EVPL: variants seen among roughly 807,000 people sequenced by gnomAD.
EVPL encodes 210 kDa cornified envelope precursor protein.
Under a neutral mutation model 129.7 loss-of-function variants are expected in EVPL, and 94 were observed. The ratio of observed to expected loss-of-function variants is 0.72; its 90% CI spans 0.61 to 0.86. The LOEUF (loss-of-function observed/expected upper bound fraction) is 0.86. Ranked by LOEUF, EVPL falls within the 40% of genes least tolerant of loss-of-function variation. The pLI, the probability that EVPL is intolerant of heterozygous loss-of-function variation, is 0.00. For synonymous variants in EVPL, 1,172 were observed against 1,191.1 expected (o/e 0.98, Z 0.33); for missense variants, 2,625 against 2,721.1 (o/e 0.96, Z 0.79).
At position 76,015,304 on chromosome 17, in the gene EVPL, AG is replaced by A; in HGVS notation, c.1950del (p.Phe651SerfsTer46). ...QIQDADRVIR[G>X]FEATLVQEAP... ...GCCTCCTGCACCAGGGTGGCCTCGA[AG>A]CCTCGGATGACCCTGTCCGCATCCT... On this transcript the variant is annotated frameshift_variant, in exon 16 of 22. Coordinates refer to ENST00000301607, the MANE Select transcript of EVPL (RefSeq NM_001988.4). LOFTEE classifies it high-confidence loss of function. 1 of 1,602,972 alleles carries A rather than the reference AG, an allele frequency of 6.2e-7. No homozygotes were observed. Among genetic ancestry groups the A allele is most frequent in the Non-Finnish European group, 8.5e-7 (1 of 1,178,886 alleles).
At chr17:76,011,531 T>TTATTCC in intron 21 of EVPL, 45 bp downstream of exon 21, 1 of 1,541,330 alleles carries the variant, frequency 6.5e-7, no homozygotes, top group Non-Finnish European at 9.0e-7. Context: ...GCATTCCTGG[T>TTATTCC]TATTCCTGGC....
chr17:76,024,144 G>A lies in EVPL; in HGVS notation c.99-24C>T. The A allele has an allele frequency of 9.3e-6, 15 of 1,607,738 alleles. No homozygotes were observed. The highest frequency in any genetic ancestry group is 1.3e-5 in the Non-Finnish European group (15 of 1,176,780). ...CCCTAGTGTGTGGAGGGGACAGCGG[G>A]TAGCTCGGTGGAAGAGGCCCCTCTG... On this transcript the variant is annotated intron_variant, in intron 1 of 21. Coordinates refer to ENST00000301607, the MANE Select transcript of EVPL (RefSeq NM_001988.4). This position sits in a 1 kb window ranked among gnomAD's most constrained non-coding sequence, Gnocchi z 4.5.
rs142386982 is a variant in EVPL, at chr17:76,023,254, C to CCT, written c.480+36_480+37dup. The CCT allele has an allele frequency of 1.5e-3, 2,419 of 1,612,256 alleles. 2 individuals are homozygous for CCT. Among genetic ancestry groups the CCT allele is most frequent in the Non-Finnish European group, 1.9e-3 (2,246 of 1,179,062 alleles). The stretch of plus-strand genomic sequence containing the variant: ...TGGATTAAATGCAGTTCCGTATCGC[C>CCT]CTCTGATCACACTGGGGTGTGACTT... On this transcript the variant is annotated intron_variant, in intron 4 of 21. Transcript: ENST00000301607.
chr17:76,008,507 C>T lies in EVPL; in HGVS notation c.4698G>A (p.Arg1566=). The stretch of plus-strand genomic sequence containing the variant: ...ACCAGGTTCTCCCCAGCGTCTCGGC[C>T]CGGTCAATGCGCTCCCGCAGGCGCC... ...EARRLRERID[R]AETLGRTWSR... Residue 1566 remains arginine, a synonymous_variant, in exon 22 of 22, where the codon CGG becomes CGA. Coordinates refer to ENST00000301607, the MANE Select transcript of EVPL (RefSeq NM_001988.4). This position sits in a 1 kb window ranked among gnomAD's most constrained non-coding sequence, Gnocchi z 7.4. The T allele has an allele frequency of 2.5e-6, 4 of 1,604,414 alleles. No individual in the cohort carries two copies. Among genetic ancestry groups the T allele is most frequent in the Non-Finnish European group, 3.4e-6 (4 of 1,178,934 alleles).
chr17:76,009,714 G>A lies in EVPL; in HGVS notation c.3491C>T (p.Thr1164Ile), dbSNP rs746438412. The change falls in exon 22 of 22, where the codon ACC (threonine) becomes ATC (isoleucine). Residue 1164 changes from threonine (T) to isoleucine (I), a missense_variant. Physicochemically the swap from Thr to Ile is moderately conservative, Grantham distance 89. This residue lies in a region of EVPL where 1,453 missense variants were observed against 1,511.8 expected (regional missense o/e 0.96). Transcript: ENST00000301607. The surrounding 1 kb of genome is among the most constrained non-coding windows in gnomAD (Gnocchi z 5.9). ...CTCCCTGGCCAGCGTCGCGTTCTTG[G>A]TCCTCTCCTCCTCGAGGAGGCTCCT... ...RLRSLLEEER[T>I]KNATLARELS... is the part of the protein sequence containing the mutation. 3.7e-6 allele frequency: 6 copies of A among 1,613,538 alleles called. No individual in the cohort carries two copies. The Admixed American group carries it at 5.0e-5, about 13-fold the overall frequency.
In EVPL at chr17:76,022,250, C is replaced by T; in HGVS notation, c.607-23G>A. 5.6e-6 allele frequency: 9 copies of T among 1,613,010 alleles called. No individual in the cohort carries two copies. Among genetic ancestry groups the T allele is most frequent in the Non-Finnish European group, 7.6e-6 (9 of 1,179,774 alleles). On this transcript the variant is annotated intron_variant, in intron 5 of 21. Transcript: ENST00000301607. The surrounding 1 kb of genome is among the most constrained non-coding windows in gnomAD (Gnocchi z 5.6). Reference sequence around the variant, plus strand: ...ATCCTGCCTCGACCAAGGGGAGAAACAAGCCCGTGAGAGGTGGGGTGCAGG... The same window carrying T: ...ATCCTGCCTCGACCAAGGGGAGAAATAAGCCCGTGAGAGGTGGGGTGCAGG...
In EVPL at chr17:76,021,521, T is replaced by A. The variant is rs1380774089; in HGVS notation, c.958A>T (p.Asn320Tyr). 1.9e-6 allele frequency: 3 copies of A among 1,610,056 alleles called. No individual in the cohort carries two copies. In the African/African-American group the frequency reaches 4.0e-5, roughly 22 times the overall value. Reference protein sequence around the residue: ...ALKMEWQNFLNLCICQETQLQ... With the variant: ...ALKMEWQNFLYLCICQETQLQ... The stretch of plus-strand genomic sequence containing the variant: ...TGGGTCTCCTGGCAGATACACAGGT[T>A]CAGGAAGTTCTGCCACTCCATCTTC... Residue 320 changes from asparagine (N) to tyrosine (Y), a missense_variant, in exon 9 of 22, where the codon AAC (asparagine) becomes TAC (tyrosine). Around this residue, in one of 4 missense-constraint regions of EVPL, gnomAD observed 1,024 missense variants for 997.5 expected, o/e 1.03. Transcript: ENST00000301607.
chr17:76,011,602 CCAGCTGCTGGAG>C lies in EVPL; in HGVS notation c.2623_2634del (p.Leu875_Leu878del). 2 of 1,614,108 alleles carry C rather than the reference CCAGCTGCTGGAG, an allele frequency of 1.2e-6. No individual in the cohort carries two copies. Among genetic ancestry groups the C allele is most frequent in the South Asian group, 1.1e-5 (1 of 91,084 alleles). On this transcript the variant is annotated inframe_deletion, in exon 21 of 22. Coordinates refer to ENST00000301607, the MANE Select transcript of EVPL (RefSeq NM_001988.4). ...TTCTCCAGCATTTTTCTAGCAAACTCCAGCTGCTGGAGCAGCTGCTGCTGTGCTGCTGCAACC... is the reference window on the plus strand; with the variant it reads ...TTCTCCAGCATTTTTCTAGCAAACTCCAGCTGCTGCTGTGCTGCTGCAACC...
At chr17:76,025,088 A>T (rs1422323374) in intron 1 of EVPL, among the ~76,000 whole-genome samples, 3 of 152,200 alleles carry the variant, frequency 2.0e-5, no homozygotes, top group Admixed American at 2.0e-4. Context: ...ATCTTTCTCC[A>T]TCAGAAAGAT....
Position 76,008,243 on chromosome 17 carries a change from C to T in EVPL, c.4962G>A (p.Glu1654=). Residue 1654 remains glutamate (E), a synonymous_variant, in exon 22 of 22, where the codon GAG becomes GAA. Transcript: ENST00000301607. This position sits in a 1 kb window ranked among gnomAD's most constrained non-coding sequence, Gnocchi z 7.4. ...GGAGGTCCCGGAGCGTCCGCTCCTT[C>T]TCGTAGATCTGGTCCTTCTCGCGGA... ...AILREKDQIY[E]KERTLRDLHA... The T allele has an allele frequency of 6.2e-7, 1 of 1,613,776 alleles. No individual in the cohort carries two copies. The highest frequency in any genetic ancestry group is 8.5e-7 in the Non-Finnish European group (1 of 1,180,014).
At chr17:76,018,058 G>A (rs2144423404) in intron 13 of EVPL, 103 bp downstream of exon 13, 1 of 1,529,556 alleles carries the variant, frequency 6.5e-7, no homozygotes, top group Non-Finnish European at 8.8e-7. Context: ...CCAGAGTGAT[G>A]GTCCCTAACC....
chr17:76,012,000 G>A lies in EVPL; in HGVS notation c.2457+6C>T. 1 of 1,612,270 alleles carries A rather than the reference G, an allele frequency of 6.2e-7. No individual in the cohort carries two copies. The highest frequency in any genetic ancestry group is 8.5e-7 in the Non-Finnish European group (1 of 1,179,104). Reference sequence around the variant, plus strand: ...GAGAGGGGCAAGCTGAAGGCAAGCTGCTTACCTGGAGCGCTGCCTGCAGGG... The same window carrying A: ...GAGAGGGGCAAGCTGAAGGCAAGCTACTTACCTGGAGCGCTGCCTGCAGGG... On this transcript the variant is annotated splice_donor_region_variant and intron_variant, in intron 19 of 21. Coordinates refer to ENST00000301607, the MANE Select transcript of EVPL (RefSeq NM_001988.4).
In EVPL at chr17:76,015,029, G is replaced by A; in HGVS notation, c.2109C>T (p.Cys703=). The A allele has an allele frequency of 1.3e-6, 2 of 1,593,604 alleles. No homozygotes were observed. Among genetic ancestry groups the A allele is most frequent in the South Asian group, 2.2e-5 (2 of 90,914 alleles). ...CCTGGAAGTTGTTCTGCAGGGCAGC[G>A]CATGCGTGCTCCGAGGCCTTCAGCG... ...HRALKASEHA[C]AALQNNFQEF... The change falls in exon 17 of 22, where the codon TGC becomes TGT. Residue 703 remains cysteine (C), a synonymous_variant. Coordinates refer to ENST00000301607, the MANE Select transcript of EVPL (RefSeq NM_001988.4).
At chr17:76,020,614 G>GTT (rs10696274) in intron 9 of EVPL, among the ~76,000 whole-genome samples, 42,280 of 148,534 alleles carry the variant, frequency 0.28, 7,591 homozygotes, top group East Asian at 0.67. Flanking sequence ...TTTCTCAACC[G>GTT]TTTTTTTTTT....
At chr17:76,025,190 T>C (rs2066490215) in intron 1 of EVPL, among the ~76,000 whole-genome samples, 1 of 152,236 alleles carries the variant, frequency 6.6e-6, no homozygotes, top group Admixed American at 6.5e-5. Context: ...ATCTATGCCT[T>C]AGGGCTATTG....
At chr17:76,019,686 C>T (rs200750799) in intron 9 of EVPL, 33 bp from the exon 10 acceptor site, 72 of 1,600,154 alleles carry the variant, frequency 4.5e-5, no homozygotes, top group Non-Finnish European at 5.7e-5. Flanking sequence ...GGCAGAGCCT[C>T]GTGCAACCTG....
At chr17:76,015,193 C>T (rs752404341) in intron 16 of EVPL, 34 bp downstream of exon 16, 9 of 1,564,880 alleles carry the variant, frequency 5.8e-6, no homozygotes, top group African/African-American at 1.3e-5. Context: ...TGCTGGGTTC[C>T]CCTGACACCA....
chr17:76,008,498 C>A lies in EVPL; in HGVS notation c.4707G>T (p.Thr1569=), dbSNP rs776277179. 5.4e-5 allele frequency: 87 copies of A among 1,602,006 alleles called. No homozygotes were observed. In the Middle Eastern group the frequency reaches 1.5e-3, roughly 27 times the overall value. Residue 1569 remains threonine (T), a synonymous_variant, in exon 22 of 22, where the codon ACG becomes ACT. Transcript: ENST00000301607. This position sits in a 1 kb window ranked among gnomAD's most constrained non-coding sequence, Gnocchi z 7.4. ...RLRERIDRAE[T]LGRTWSREES... is the part of the protein sequence containing the mutation. Reference sequence around the variant, plus strand: ...CCTCCCGGGACCAGGTTCTCCCCAGCGTCTCGGCCCGGTCAATGCGCTCCC... The same window carrying A: ...CCTCCCGGGACCAGGTTCTCCCCAGAGTCTCGGCCCGGTCAATGCGCTCCC...
intron 19 of EVPL, 26 bp from the exon 20 acceptor site, chr17:76,011,908 G>A (rs913094277): frequency 6.2e-7 from 1 of 1,610,442 alleles, no homozygotes. Flanking sequence ...AGGACAGCAG[G>A]CTGGCAACCA....
Sources: gnomAD v4.1 joint callset for allele counts (sites outside exome capture counted in the v4.1 genomes callset) on GRCh38, gnomAD v4.1.1 for gene constraint, gnomAD v4.1.1 regional missense constraint, Gnocchi (gnomAD v3.1) non-coding constraint, MANE v1.5 for transcripts, NCBI Gene and HGNC (gene_info 2026-07-23, HGNC 2026-07-21) for gene names.